Variants in LHX8 observed in about 807,000 individuals in gnomAD.
LHX8 encodes the protein LIM homeobox 8, also known as LIM/homeobox protein Lhx8.
In LHX8, 12 loss-of-function variants were observed where a neutral mutation model predicts 40.3. That is an observed-to-expected ratio of 0.30 (90% CI 0.19 to 0.48). LHX8 has a LOEUF of 0.48. Ranked by LOEUF, LHX8 falls within the 20% of genes least tolerant of loss-of-function variation. The pLI is 0.99. For synonymous variants in LHX8, 179 were observed against 162.0 expected (o/e 1.10, Z -0.80); for missense variants, 344 against 433.7 (o/e 0.79, Z 1.84).
the LHX8 span, among the ~76,000 whole-genome samples, chr1:75,190,453 G>T: frequency 1.3e-5 from 2 of 152,262 alleles, no homozygotes; most frequent in Admixed American, 1.3e-4. Context: ...AAATTGATTT[G>T]AAGTGATAGT....
Position 75,155,997 on chromosome 1 carries a change from C to CTT in LHX8, c.781-880_781-879dup, listed in dbSNP as rs200891522. Reference sequence around the variant, plus strand: ...GGTGCCTAAGAATACATTTAGTAGTCTTTTTTTTTTTTTTTTTAAGTTCTG... The same window carrying CTT: ...GGTGCCTAAGAATACATTTAGTAGTCTTTTTTTTTTTTTTTTTTTAAGTTCTG... On this transcript the variant is annotated intron_variant, in intron 7 of 8. Transcript: ENST00000356261. 3.2e-3 allele frequency among the ~76,000 whole-genome samples: 418 copies of CTT among 130,490 alleles called. 1 individual carries two copies. Among genetic ancestry groups the CTT allele is most frequent in the Non-Finnish European group, 4.2e-3 (255 of 60,146 alleles). The allele number at this position is 130,490 out of a possible 152,430, so 85.6% of individuals were successfully genotyped here.
intron 7 of LHX8, among the ~76,000 whole-genome samples, chr1:75,156,014 T>TA (rs1553134278): frequency 3.4e-4 from 52 of 150,808 alleles, no homozygotes; most frequent in African/African-American, 1.2e-3. Context: ...TTTTTTTTTT[T>TA]AAGTTCTGAT....
In LHX8 at chr1:75,142,522, T is replaced by C. The variant is rs116174382; in HGVS notation, c.360-596T>C. On this transcript the variant is annotated intron_variant, in intron 4 of 8. Coordinates refer to ENST00000356261, the MANE Select transcript of LHX8 (RefSeq NM_001256114.2). ...CTTCCTTCTATGGATAACAATACAA[T>C]AGCTTTTTCACCAAAGGAAACATTT... Among the ~76,000 whole-genome samples the C allele has an allele frequency of 1.7e-3, 263 of 152,298 alleles. 3 individuals are homozygous for C. The highest frequency in any genetic ancestry group is 1.9e-3 in the Non-Finnish European group (131 of 68,002).
At chr1:75,153,475 C>A (rs1400198689) in intron 7 of LHX8, among the ~76,000 whole-genome samples, 1 of 151,568 alleles carries the variant, frequency 6.6e-6, no homozygotes, top group Non-Finnish European at 1.5e-5. Context: ...TGCAATGGTG[C>A]AGTCTCAGCT....
At chr1:75,173,993 A>G in the LHX8 span, among the ~76,000 whole-genome samples, 1 of 151,798 alleles carries the variant, frequency 6.6e-6, no homozygotes, top group Admixed American at 6.5e-5. Flanking sequence ...TGGATTTTGG[A>G]TTTGGCAATG....
chr1:75,143,047 T>C, intron 4 of LHX8, 71 bp from the exon 5 acceptor site: 1 of 1,176,720 alleles, frequency 8.5e-7, no homozygotes. Context: ...AATGTGCTGG[T>C]TTAATATTCG....
At chr1:75,186,642 A>G in the LHX8 span, among the ~76,000 whole-genome samples, 2 of 152,148 alleles carry the variant, frequency 1.3e-5, no homozygotes, top group Non-Finnish European at 2.9e-5. Context: ...CACCACAGCA[A>G]GGTCCTTCAA....
At chr1:75,150,359 A>T (rs1648572426) in intron 7 of LHX8, among the ~76,000 whole-genome samples, 1 of 152,240 alleles carries the variant, frequency 6.6e-6, no homozygotes, top group Admixed American at 6.5e-5. Flanking sequence ...TGTGCTAATT[A>T]TGCAGTGATG....
chr1:75,152,268 G>A (rs1308113707), intron 7 of LHX8, among the ~76,000 whole-genome samples: 1 of 152,150 alleles, frequency 6.6e-6, no homozygotes, highest in East Asian at 1.9e-4. Context: ...AGAGTTTCAC[G>A]TTTCCTAGTT....
In LHX8 at chr1:75,134,831, T is replaced by TTTA. The variant is rs1185032901; in HGVS notation, c.-132_-130dup. 39 of 836,694 alleles carry TTTA rather than the reference T, an allele frequency of 4.7e-5. No homozygotes were observed. Among genetic ancestry groups the TTTA allele is most frequent in the Non-Finnish European group, 5.5e-5 (38 of 694,422 alleles). The allele number at this position is 836,694 out of a possible 1,614,324, so 51.8% of individuals were successfully genotyped here. A position where few individuals can be genotyped will look rare whatever the true frequency, so the allele number is the denominator to read the frequency against. On this transcript the variant is annotated 5_prime_UTR_variant, in exon 1 of 9. Coordinates refer to ENST00000356261, the MANE Select transcript of LHX8 (RefSeq NM_001256114.2). The stretch of plus-strand genomic sequence containing the variant: ...TCTTCAGACCTGGCAATTTTTTTTT[T>TTTA]TTATTACGTAGTAGCGTTAGTCAGT...
the LHX8 span, among the ~76,000 whole-genome samples, chr1:75,178,529 C>T: frequency 1.3e-5 from 2 of 152,174 alleles, no homozygotes; most frequent in Admixed American, 6.5e-5. Context: ...TCCCCTTTAT[C>T]ATTTTTTATT....
downstream of LHX8, among the ~76,000 whole-genome samples, chr1:75,163,100 T>C (rs1016735627): frequency 6.6e-6 from 1 of 151,838 alleles, no homozygotes; most frequent in South Asian, 2.1e-4. Flanking sequence ...ACTCTTTAAG[T>C]GATTCTTTTT....
the LHX8 span, among the ~76,000 whole-genome samples, chr1:75,183,995 A>G: frequency 6.6e-6 from 1 of 152,222 alleles, no homozygotes; most frequent in Non-Finnish European, 1.5e-5. Context: ...CAGACAAAAC[A>G]GATTTTAAAC....
chr1:75,194,815 T>C, the LHX8 span, among the ~76,000 whole-genome samples: 3 of 152,318 alleles, frequency 2.0e-5, no homozygotes, highest in African/African-American at 7.2e-5. Context: ...GATTAGTTTA[T>C]CTGCCTCTCC....
the LHX8 span, among the ~76,000 whole-genome samples, chr1:75,169,130 C>A: frequency 2.0e-5 from 3 of 152,260 alleles, no homozygotes; most frequent in Middle Eastern, 0.01. Flanking sequence ...ACCCATGCAC[C>A]CCATTACTTT....
the LHX8 span, among the ~76,000 whole-genome samples, chr1:75,198,431 C>T: frequency 1.3e-5 from 2 of 152,242 alleles, no homozygotes; most frequent in East Asian, 3.9e-4. Context: ...AGGTACCAGT[C>T]CTCAATAATG....
At chr1:75,162,750 T>C (rs1056369279), downstream of LHX8, among the ~76,000 whole-genome samples, 1 of 152,136 alleles carries the variant, frequency 6.6e-6, no homozygotes, top group Admixed American at 6.6e-5. Flanking sequence ...AAAAATATGA[T>C]ATGTGATAGA....
At chr1:75,165,236 A>T (rs949559627), downstream of LHX8, among the ~76,000 whole-genome samples, 2 of 152,178 alleles carry the variant, frequency 1.3e-5, no homozygotes, top group Admixed American at 1.3e-4. Flanking sequence ...GTATATCATC[A>T]TGCTCTCATT....
chr1:75,196,216 G>A, the LHX8 span, among the ~76,000 whole-genome samples: 13 of 152,064 alleles, frequency 8.5e-5, no homozygotes, highest in African/African-American at 3.1e-4. Flanking sequence ...GTTCCTGTGA[G>A]CACTATTGTC....
Sources: allele counts gnomAD v4.1 joint callset (sites outside exome capture counted in the v4.1 genomes callset), GRCh38; gene constraint gnomAD v4.1.1; transcripts MANE v1.5; gene names NCBI Gene and HGNC (gene_info 2026-07-23, HGNC 2026-07-21).